CORO7: variants seen among roughly 807,000 people sequenced by gnomAD.
The protein encoded by CORO7 is coronin 7.
In CORO7, 107 loss-of-function variants were observed where a neutral mutation model predicts 126.6. The observed-to-expected ratio is 0.85, with a 90% CI of 0.72 to 0.99. The LOEUF (loss-of-function observed/expected upper bound fraction) is 0.99. CORO7 is among the 50% of genes least tolerant of loss of function. The pLI is 0.00. For synonymous variants in CORO7, 603 were observed against 536.8 expected, an observed-to-expected ratio of 1.12 and a Z score of -1.70; for missense variants, 1,314 against 1,255.8, an observed-to-expected ratio of 1.05 and a Z score of -0.70.
At chr16:4,388,217 G>A in intron 8 of CORO7, 149 bp from the exon 9 acceptor site, 1 of 998,696 alleles carries the variant, frequency 1.0e-6, no homozygotes, top group South Asian at 1.6e-5. Context: ...AGTCACCCCA[G>A]GGAAAGAGAA....
intron 10 of CORO7, 96 bp from the exon 11 acceptor site, chr16:4,365,156 AG>A (rs1203854201): frequency 1.0e-4 from 152 of 1,519,518 alleles, no homozygotes; most frequent in South Asian, 8.1e-4. Flanking sequence ...CAAGGACCTG[AG>A]CCACAGAACC....
chr16:4,407,168 G>C (rs946046519), intron 5 of CORO7, among the ~76,000 whole-genome samples: 2 of 148,948 alleles, frequency 1.3e-5, no homozygotes, highest in African/African-American at 5.0e-5. Flanking sequence ...GGCTGGTCTT[G>C]AACTCCTGAC....
chr16:4,389,072 G>A (rs909244384), intron 7 of CORO7, among the ~76,000 whole-genome samples: 17 of 152,158 alleles, frequency 1.1e-4, no homozygotes, highest in African/African-American at 3.6e-4. Context: ...GGTGCCACCC[G>A]CTTCCCAGGG....
intron 6 of CORO7, among the ~76,000 whole-genome samples, chr16:4,404,006 T>A (rs978519094): frequency 7.2e-5 from 11 of 152,028 alleles, no homozygotes; most frequent in Admixed American, 2.6e-4. Flanking sequence ...CCTGGGGGCC[T>A]TATTGGCCCC....
intron 7 of CORO7, among the ~76,000 whole-genome samples, chr16:4,389,123 G>A (rs1051371306): frequency 1.8e-4 from 27 of 152,218 alleles, no homozygotes; most frequent in African/African-American, 2.7e-4. Context: ...GCAAAGCACC[G>A]TGTAAACTGG....
At chr16:4,414,916 T>C (rs1456918281) in intron 1 of CORO7, among the ~76,000 whole-genome samples, 1 of 152,120 alleles carries the variant, frequency 6.6e-6, no homozygotes, top group African/African-American at 2.4e-5. Context: ...GGCTGGTGTG[T>C]AGTGGCACAA....
intron 17 of CORO7, 35 bp from the exon 18 acceptor site, chr16:4,361,283 G>C (rs767431868): frequency 1.6e-5 from 26 of 1,611,632 alleles, no homozygotes; most frequent in Non-Finnish European, 2.2e-5. Context: ...TCATTGCTGA[G>C]CCCAAGACCT....
At chr16:4,357,752 C>T (rs76555207) in intron 25 of CORO7, 210 of 696,880 alleles carry the variant, frequency 3.0e-4, no homozygotes, top group African/African-American at 1.7e-3. Flanking sequence ...ACAGTGTGTG[C>T]GTGTGTGTGT....
chr16:4,361,645 C>G (rs1235360757), intron 16 of CORO7, 176 bp from the exon 17 acceptor site: 2 of 838,090 alleles, frequency 2.4e-6, no homozygotes, highest in African/African-American at 3.3e-5. Flanking sequence ...CAAGTGCCAA[C>G]CACAAGGCCC....
chr16:4,403,468 G>C (rs992901288), intron 6 of CORO7, among the ~76,000 whole-genome samples: 3 of 152,152 alleles, frequency 2.0e-5, no homozygotes, highest in Admixed American at 1.3e-4. Flanking sequence ...AGGAACCAGG[G>C]AAGGAGGGGG....
At chr16:4,358,124 T>C in intron 24 of CORO7, 21 bp from the exon 25 acceptor site, 1 of 1,603,532 alleles carries the variant, frequency 6.2e-7, no homozygotes, top group Non-Finnish European at 8.5e-7. Flanking sequence ...AGAAACGGGC[T>C]GTCCTGAGAC....
chr16:4,395,477 G>T (rs79200046), intron 6 of CORO7, 138 bp from the exon 7 acceptor site: 1 of 1,100,938 alleles, frequency 9.1e-7, no homozygotes, highest in Non-Finnish European at 1.3e-6. Flanking sequence ...ACACACCAGG[G>T]CATCCCTCCT....
At chr16:4,382,769 T>C in intron 9 of CORO7, 1 of 1,568,564 alleles carries the variant, frequency 6.4e-7, no homozygotes, top group Non-Finnish European at 8.6e-7. Flanking sequence ...AAGGTCCCCT[T>C]GGAGCCAGGC....
chr16:4,396,122 C>G (rs887241537), intron 6 of CORO7, among the ~76,000 whole-genome samples: 2 of 152,036 alleles, frequency 1.3e-5, no homozygotes, highest in African/African-American at 4.8e-5. Context: ...CTCTGTCACC[C>G]ATGCTGGAGT....
In CORO7 at chr16:4,355,008, C is replaced by T. The variant is rs770225749; in HGVS notation, c.*150G>A. 3.0e-5 allele frequency: 24 copies of T among 804,370 alleles called. No individual in the cohort carries two copies. Among genetic ancestry groups the T allele is most frequent in the Admixed American group, 9.7e-5 (3 of 30,888 alleles). 49.8% of individuals were successfully genotyped at this position (804,370 alleles called of 1,614,324 possible). ...ACAGTCCCTGGGAACTGCCAGAGGC[C>T]CAGAGGATGTGGAAGTGCCCACGGG... On this transcript the variant is annotated 3_prime_UTR_variant, in exon 28 of 28. Coordinates refer to ENST00000251166, the MANE Select transcript of CORO7 (RefSeq NM_024535.5).
At position 4,398,929 on chromosome 16, in the gene CORO7, T is replaced by C. The variant is rs985138251; in HGVS notation, c.565-3590A>G. ...GTTGCAGTGAGCTGAGATGGCACCA[T>C]TGCACTCCAGCCCAGGTGACAGTGC... On this transcript the variant is annotated intron_variant, in intron 6 of 27. Coordinates refer to ENST00000251166, the MANE Select transcript of CORO7 (RefSeq NM_024535.5). Among the ~76,000 whole-genome samples, 7 of 151,142 alleles carry C rather than the reference T, an allele frequency of 4.6e-5. No homozygotes were observed. In the South Asian group the frequency reaches 8.4e-4, roughly 18 times the overall value.
intron 6 of CORO7, among the ~76,000 whole-genome samples, chr16:4,403,526 G>A (rs563771628): frequency 6.6e-6 from 1 of 152,160 alleles, no homozygotes; most frequent in Non-Finnish European, 1.5e-5. Context: ...GGAAATGTGT[G>A]CTTCTCGTCC....
In CORO7 at chr16:4,385,233, C is replaced by G. The variant is rs111600185; in HGVS notation, c.785+2753G>C. On this transcript the variant is annotated intron_variant, in intron 9 of 27. Transcript: ENST00000251166. ...GGGTGACACATGCTCTTGTTTCATG[C>G]CCGGCGACCTCGTCTATTGAAAAGG... is the stretch of plus-strand genomic sequence containing the variant. Among the ~76,000 whole-genome samples the G allele has an allele frequency of 2.9e-3, 439 of 152,242 alleles. 1 individual carries two copies. The highest frequency in any genetic ancestry group is 4.4e-3 in the Non-Finnish European group (301 of 68,006).
chr16:4,377,736 T>C (rs528727592), intron 9 of CORO7, among the ~76,000 whole-genome samples: 72 of 152,284 alleles, frequency 4.7e-4, no homozygotes, highest in Admixed American at 9.8e-4. Flanking sequence ...TTACAAACTC[T>C]GGGGTTTTCC....
Sources: allele counts gnomAD v4.1 joint callset (sites outside exome capture counted in the v4.1 genomes callset), GRCh38; gene constraint gnomAD v4.1.1; transcripts MANE v1.5; gene names NCBI Gene and HGNC (gene_info 2026-07-23, HGNC 2026-07-21).